Variants in ZNF438 observed in about 807,000 individuals in gnomAD.
ZNF438 encodes zinc finger protein 438.
In ZNF438, 25 loss-of-function variants were observed where a neutral mutation model predicts 38.0. The ratio of observed to expected loss-of-function variants is 0.66; its 90% CI spans 0.48 to 0.92. The LOEUF (loss-of-function observed/expected upper bound fraction) is 0.92. ZNF438 is among the 40% of genes least tolerant of loss of function. The pLI is 0.00. For synonymous variants in ZNF438, 372 were observed against 364.1 expected, an observed-to-expected ratio of 1.02 and a Z score of -0.25; for missense variants, 1,007 against 999.6, an observed-to-expected ratio of 1.01 and a Z score of -0.10.
chr10:30,892,774 C>T (rs1589047120), intron 3 of ZNF438, among the ~76,000 whole-genome samples: 1 of 152,130 alleles, frequency 6.6e-6, no homozygotes, highest in Non-Finnish European at 1.5e-5. Context: ...GTCCCCTGTC[C>T]GTATTTCCAT....
Position 30,887,969 on chromosome 10 carries a change from T to C in ZNF438, c.-31-10904A>G, listed in dbSNP as rs554586575. On this transcript the variant is annotated intron_variant, in intron 3 of 5. Coordinates refer to ENST00000413025, the Ensembl canonical transcript of ZNF438. The stretch of plus-strand genomic sequence containing the variant: ...ACTTATTATGTGTATCAGTAGACCA[T>C]TCCTTTCTGTTGCTGAATCATATTC... Among the ~76,000 whole-genome samples, 5 of 152,326 alleles carry C rather than the reference T, an allele frequency of 3.3e-5. No individual in the cohort carries two copies. The South Asian group carries it at 8.3e-4, about 25-fold the overall frequency.
At chr10:30,936,826 A>G (rs1391522027) in intron 2 of ZNF438, among the ~76,000 whole-genome samples, 1 of 152,212 alleles carries the variant, frequency 6.6e-6, no homozygotes, top group African/African-American at 2.4e-5. Context: ...TATGATGTTG[A>G]GCTTTTTTTT....
At chr10:30,999,379 C>T (rs1363480750) in intron 1 of ZNF438, 1 of 152,472 alleles carries the variant, frequency 6.6e-6, no homozygotes, top group Non-Finnish European at 1.5e-5. Context: ...AGTCATCTCC[C>T]TCACTCTGAC....
chr10:30,922,164 C>A (rs1016187270), intron 2 of ZNF438, among the ~76,000 whole-genome samples: 4 of 152,126 alleles, frequency 2.6e-5, no homozygotes. Context: ...CTCTTCTATA[C>A]TCTTATTAGT....
chr10:31,022,209 T>C (rs890581474), intron 1 of ZNF438, among the ~76,000 whole-genome samples: 6 of 151,878 alleles, frequency 4.0e-5, no homozygotes, highest in Admixed American at 6.6e-5. Context: ...AAAAAGGTCA[T>C]AGTCACTGTT....
intron 1 of ZNF438, among the ~76,000 whole-genome samples, chr10:30,953,718 G>T (rs767522743): frequency 2.6e-5 from 4 of 151,012 alleles, no homozygotes; most frequent in Non-Finnish European, 5.9e-5. Context: ...GAGGTGAGCA[G>T]AAGCTGGAAG....
chr10:30,967,709 T>A (rs181531597), intron 1 of ZNF438, among the ~76,000 whole-genome samples: 20 of 152,276 alleles, frequency 1.3e-4, no homozygotes, highest in South Asian at 4.1e-4. Context: ...ATTTAGCCTA[T>A]CTCATGAAGG....
intron 1 of ZNF438, among the ~76,000 whole-genome samples, chr10:31,008,317 T>A (rs60907966): frequency 0.012 from 1,821 of 152,336 alleles, 42 homozygotes; most frequent in African/African-American, 0.041. Flanking sequence ...CCATGCAATT[T>A]ACCCTTTTGA....
intron 2 of ZNF438, among the ~76,000 whole-genome samples, chr10:30,926,729 C>G (rs755755361): frequency 1.2e-4 from 18 of 151,274 alleles, no homozygotes; most frequent in Non-Finnish European, 2.1e-4. Context: ...TGTGCACAGG[C>G]AAGCACTGAC....
intron 2 of ZNF438, among the ~76,000 whole-genome samples, chr10:30,934,122 G>A (rs1391607314): frequency 2.6e-5 from 4 of 151,052 alleles, no homozygotes; most frequent in Admixed American, 1.3e-4. Flanking sequence ...CTCCAGCCTG[G>A]GCGACAGAGT....
At chr10:30,845,643 G>T in intron 5 of ZNF438, 70 bp from the exon 7 acceptor site, 1 of 1,532,090 alleles carries the variant, frequency 6.5e-7, no homozygotes, top group Non-Finnish European at 8.8e-7. Context: ...CCTCTCAGCT[G>T]TCAGCCTTCA....
intron 3 of ZNF438, among the ~76,000 whole-genome samples, chr10:30,901,416 G>A (rs1469854741): frequency 6.6e-5 from 10 of 151,686 alleles, no homozygotes; most frequent in South Asian, 4.2e-4. Context: ...CGGCACGTCC[G>A]GAGTTTGTTC....
intron 2 of ZNF438, among the ~76,000 whole-genome samples, chr10:30,925,512 A>C (rs1044883154): frequency 6.6e-6 from 1 of 152,240 alleles, no homozygotes; most frequent in Non-Finnish European, 1.5e-5. Context: ...TTATGTTATT[A>C]AAACAAAATA....
intron 1 of ZNF438, among the ~76,000 whole-genome samples, chr10:30,988,048 AT>A (rs532450468): frequency 1.3e-5 from 2 of 152,336 alleles, no homozygotes; most frequent in Non-Finnish European, 2.9e-5. Flanking sequence ...TGTTTAAAAG[AT>A]TTCCATAATA....
At chr10:30,946,433 G>T (rs575268025) in intron 1 of ZNF438, among the ~76,000 whole-genome samples, 8 of 151,858 alleles carry the variant, frequency 5.3e-5, no homozygotes, top group Admixed American at 3.9e-4. Flanking sequence ...GAAAATTTTC[G>T]CAACCTACTC....
chr10:30,991,885 G>A lies in ZNF438; in HGVS notation c.-192+39948C>T, dbSNP rs191433275. On this transcript the variant is annotated intron_variant, in intron 1 of 5. Transcript: ENST00000413025. The stretch of plus-strand genomic sequence containing the variant: ...AAAAAAGGAAGCTTCACTGTCACTC[G>A]GGGGCTGAAGTATAACCTCTGATCA... Among the ~76,000 whole-genome samples the A allele has an allele frequency of 1.9e-3, 293 of 152,282 alleles. 1 individual carries two copies. Among genetic ancestry groups the A allele is most frequent in the African/African-American group, 6.6e-3 (275 of 41,550 alleles).
At chr10:30,983,373 A>G (rs1032598728) in intron 1 of ZNF438, among the ~76,000 whole-genome samples, 4 of 152,228 alleles carry the variant, frequency 2.6e-5, no homozygotes, top group African/African-American at 7.2e-5. Context: ...ACTTTCAACC[A>G]CAGCGGAAGG....
intron 1 of ZNF438, among the ~76,000 whole-genome samples, chr10:30,988,557 C>T (rs2053114749): frequency 6.6e-6 from 1 of 151,838 alleles, no homozygotes; most frequent in Admixed American, 6.6e-5. Context: ...TATATTAGTA[C>T]AAATTATAGC....
intron 5 of ZNF438, among the ~76,000 whole-genome samples, chr10:30,847,018 C>T (rs1377624683): frequency 6.6e-6 from 1 of 152,218 alleles, no homozygotes; most frequent in Non-Finnish European, 1.5e-5. Flanking sequence ...GGAAGGGAGG[C>T]TGAGGAAGGG....
Sources: gnomAD v4.1 joint callset for allele counts (sites outside exome capture counted in the v4.1 genomes callset) on GRCh38, gnomAD v4.1.1 for gene constraint, MANE v1.5 for transcripts, NCBI Gene and HGNC (gene_info 2026-07-23, HGNC 2026-07-21) for gene names.